ACBD5: variants seen among roughly 807,000 people sequenced by gnomAD.
ACBD5 encodes acyl-CoA binding domain containing 5.
ACBD5 carries 40 observed loss-of-function variants against 71.8 expected under a neutral mutation model. The ratio of observed to expected loss-of-function variants is 0.56; its 90% confidence interval spans 0.43 to 0.72. The LOEUF is 0.72. Among genes scored for constraint, ACBD5 ranks in the 30% least tolerant of loss-of-function variants. ACBD5 has a pLI of 0.00. For synonymous variants in ACBD5, 229 were observed against 218.6 expected, an observed-to-expected ratio of 1.05 and a Z score of -0.42; for missense variants, 559 against 644.5, an observed-to-expected ratio of 0.87 and a Z score of 1.44.
At chr10:27,200,279 G>A (rs565869549) in intron 12 of ACBD5, among the ~76,000 whole-genome samples, 1 of 152,148 alleles carries the variant, frequency 6.6e-6, no homozygotes, top group African/African-American at 2.4e-5. Flanking sequence ...CGTCCTCACT[G>A]CTACACTCCC....
In ACBD5 at chr10:27,218,131, G is replaced by A. The variant is rs1033949772; in HGVS notation, c.678C>T (p.Val226=). The A allele has an allele frequency of 2.6e-5, 42 of 1,613,958 alleles. No homozygotes were observed. Among genetic ancestry groups the A allele is most frequent in the Non-Finnish European group, 3.2e-5 (38 of 1,179,990 alleles). The change falls in exon 7 of 13, where the codon GTC becomes GTT. Residue 226 remains valine, a synonymous_variant. Coordinates refer to ENST00000396271, the MANE Select transcript of ACBD5 (RefSeq NM_145698.5). ...SADHKNLEVI[V]TNGYDKDGFV... ...AGCCATCTTTATCATAGCCATTAGT[G>A]ACAATGACTTCCAAATTCTTATGGT...
chr10:27,233,189 G>A (rs2064126611), intron 3 of ACBD5, among the ~76,000 whole-genome samples: 2 of 152,140 alleles, frequency 1.3e-5, no homozygotes, highest in Non-Finnish European at 2.9e-5. Flanking sequence ...CACTTTGAGA[G>A]GCCATGGCGG....
intron 8 of ACBD5, among the ~76,000 whole-genome samples, chr10:27,213,514 T>C (rs978088233): frequency 3.9e-4 from 60 of 152,208 alleles, no homozygotes; most frequent in African/African-American, 1.3e-3. Context: ...TCCCAGCACT[T>C]TGGGAGGCCA....
chr10:27,199,515 A>C (rs547903559), intron 12 of ACBD5, among the ~76,000 whole-genome samples: 1 of 152,294 alleles, frequency 6.6e-6, no homozygotes, highest in South Asian at 2.1e-4. Context: ...AGTCACAGGA[A>C]ACAACAGATA....
At chr10:27,197,596 T>C (rs537741241) in intron 12 of ACBD5, among the ~76,000 whole-genome samples, 154 bp from the exon 13 acceptor site, 147 of 152,340 alleles carry the variant, frequency 9.6e-4, no homozygotes, top group Non-Finnish European at 1.7e-3. Flanking sequence ...TGCAGCCTGA[T>C]AGGAAAGATC....
Position 27,195,806 on chromosome 10 carries a change from CAAAG to C in ACBD5, c.*1620_*1623del. Reference sequence around the variant, plus strand: ...TGTATTCTTATACTTTTCAGGCAAACAAAGAACCATTCTGTATACTAAAGACAGA... The same window carrying C: ...TGTATTCTTATACTTTTCAGGCAAACAACCATTCTGTATACTAAAGACAGA... On this transcript the variant is annotated 3_prime_UTR_variant, in exon 13 of 13. Coordinates refer to ENST00000396271, the MANE Select transcript of ACBD5 (RefSeq NM_145698.5). The C allele has an allele frequency of 2.4e-6, 1 of 414,690 alleles. No individual in the cohort carries two copies. The highest frequency in any genetic ancestry group is 4.7e-6 in the Non-Finnish European group (1 of 214,466). The allele number at this position is 414,690 out of a possible 1,614,324, so 25.7% of individuals were successfully genotyped here.
chr10:27,227,223 T>C (rs759414002), intron 4 of ACBD5, among the ~76,000 whole-genome samples: 1 of 152,048 alleles, frequency 6.6e-6, no homozygotes, highest in East Asian at 1.9e-4. Flanking sequence ...GTAAGCTGCA[T>C]GGACACCAGA....
At chr10:27,228,681 A>G (rs1019284672) in intron 4 of ACBD5, among the ~76,000 whole-genome samples, 3 of 150,868 alleles carry the variant, frequency 2.0e-5, no homozygotes, top group Admixed American at 6.6e-5. Flanking sequence ...CTAAAATCCT[A>G]TTACATTATA....
At chr10:27,194,852 CG>C (rs2059252863), downstream of ACBD5, among the ~76,000 whole-genome samples, 1 of 151,668 alleles carries the variant, frequency 6.6e-6, no homozygotes, top group Non-Finnish European at 1.5e-5. Context: ...AAAAATTAGC[CG>C]GGAGTGGTGG....
intron 3 of ACBD5, 104 bp from the exon 4 acceptor site, chr10:27,231,924 C>A: frequency 9.3e-7 from 1 of 1,078,140 alleles, no homozygotes; most frequent in South Asian, 1.3e-5. Flanking sequence ...AAAACAGGTT[C>A]TACTTAAAGC....
chr10:27,184,170 T>G (rs1564510206), intron 13 of ACBD5, among the ~76,000 whole-genome samples: 1 of 152,166 alleles, frequency 6.6e-6, no homozygotes, highest in Non-Finnish European at 1.5e-5. Context: ...AGTGAACAGT[T>G]ACAGACACAA....
chr10:27,188,890 A>C (rs2058932846), intron 13 of ACBD5, among the ~76,000 whole-genome samples: 1 of 152,174 alleles, frequency 6.6e-6, no homozygotes, highest in Non-Finnish European at 1.5e-5. Context: ...ATAGAAATCC[A>C]CTCATCTTTT....
At chr10:27,199,769 A>T (rs2059718376) in intron 12 of ACBD5, among the ~76,000 whole-genome samples, 1 of 152,128 alleles carries the variant, frequency 6.6e-6, no homozygotes, top group South Asian at 2.1e-4. Context: ...GCAATTTAGG[A>T]ATCTGGGCAG....
chr10:27,193,114 CGTGTGTGTGTGTGTGTGTGTGTGT>C (rs58983291), downstream of ACBD5, among the ~76,000 whole-genome samples: 19 of 80,296 alleles, frequency 2.4e-4, no homozygotes, highest in East Asian at 7.8e-4. Flanking sequence ...TTCCTTCCTT[CGTGTGTGTGTGTGTGTGTGTGTGT>C]GTGTGTGTGT....
intron 2 of ACBD5, among the ~76,000 whole-genome samples, chr10:27,238,714 T>A (rs551507294): frequency 3.1e-4 from 47 of 152,344 alleles, no homozygotes; most frequent in Admixed American, 9.8e-4. Flanking sequence ...TTTCTGAATC[T>A]GCATTTAATG....
chr10:27,186,300 T>G (rs1311065905), intron 13 of ACBD5: 4 of 1,377,676 alleles, frequency 2.9e-6, no homozygotes, highest in Non-Finnish European at 4.1e-6. Context: ...TGAGACATTC[T>G]CTTTTTATAA....
At chr10:27,219,019 AG>A (rs1316329045) in intron 6 of ACBD5, among the ~76,000 whole-genome samples, 2 of 152,118 alleles carry the variant, frequency 1.3e-5, no homozygotes, top group Non-Finnish European at 2.9e-5. Flanking sequence ...TTATGCCTGT[AG>A]GCCGGGTGCG....
At chr10:27,203,170 TG>T (rs2060112471) in intron 12 of ACBD5, among the ~76,000 whole-genome samples, 1 of 151,878 alleles carries the variant, frequency 6.6e-6, no homozygotes, top group Non-Finnish European at 1.5e-5. Context: ...AAATTTTTTG[TG>T]GAGACAGTCT....
In ACBD5 at chr10:27,240,110, C is replaced by A. The variant is rs1357916608; in HGVS notation, c.181+209G>T. Reference sequence around the variant, plus strand: ...TAAGTGACAAGACTTTTGTTTTCAACAATATGAAGTACTTAAAATCTGGAT... The same window carrying A: ...TAAGTGACAAGACTTTTGTTTTCAAAAATATGAAGTACTTAAAATCTGGAT... On this transcript the variant is annotated intron_variant, in intron 2 of 12. Transcript: ENST00000396271. This position sits in a 1 kb window ranked among gnomAD's most constrained non-coding sequence, Gnocchi z 4.1. Among the ~76,000 whole-genome samples the A allele has an allele frequency of 6.6e-6, 1 of 152,134 alleles. No homozygotes were observed. The highest frequency in any genetic ancestry group is 1.5e-5 in the Non-Finnish European group (1 of 68,030).
Sources: allele counts gnomAD v4.1 joint callset (sites outside exome capture counted in the v4.1 genomes callset), GRCh38; gene constraint gnomAD v4.1.1; non-coding constraint Gnocchi (gnomAD v3.1); transcripts MANE v1.5; gene names NCBI Gene and HGNC (gene_info 2026-07-23, HGNC 2026-07-21).